SREBF2: variants seen among roughly 807,000 people sequenced by gnomAD.
SREBF2 encodes sterol regulatory element binding transcription factor 2, also known as sterol regulatory element-binding protein 2.
In SREBF2, 55 loss-of-function variants were observed where a neutral mutation model predicts 113.1. That is an observed-to-expected ratio of 0.49 (90% CI 0.39 to 0.61). SREBF2 has a LOEUF of 0.61. Ranked by LOEUF, SREBF2 falls within the 20% of genes least tolerant of loss-of-function variation. The pLI, the probability that SREBF2 is intolerant of heterozygous loss-of-function variation, is 0.00. For missense variants in SREBF2, 1,349 were observed against 1,487.4 expected, an observed-to-expected ratio of 0.91 and a Z score of 1.53; for synonymous variants, 593 against 605.7, an observed-to-expected ratio of 0.98 and a Z score of 0.31.
intron 1 of SREBF2, among the ~76,000 whole-genome samples, chr22:41,843,419 G>A (rs2076846695): frequency 6.6e-6 from 1 of 152,220 alleles, no homozygotes. Context: ...TATGGCCTTG[G>A]GTGCCAGGCA....
intron 4 of SREBF2, among the ~76,000 whole-genome samples, chr22:41,871,582 A>T (rs529876437): frequency 6.6e-6 from 1 of 152,230 alleles, no homozygotes; most frequent in African/African-American, 2.4e-5. Flanking sequence ...CAATGAAATT[A>T]TGCCTAGCAA....
At chr22:41,838,485 C>G (rs1276594703) in intron 1 of SREBF2, among the ~76,000 whole-genome samples, 9 of 152,082 alleles carry the variant, frequency 5.9e-5, no homozygotes, top group Non-Finnish European at 2.9e-5. Context: ...GTAATCCTAG[C>G]ATTTTGGTAG....
At chr22:41,837,299 T>G (rs2076784902) in intron 1 of SREBF2, among the ~76,000 whole-genome samples, 1 of 152,168 alleles carries the variant, frequency 6.6e-6, no homozygotes, top group Non-Finnish European at 1.5e-5. Context: ...GGCTCATGCC[T>G]GTAATCCCAG....
At chr22:41,902,284 T>C (rs1400910136) in intron 16 of SREBF2, among the ~76,000 whole-genome samples, 1 of 152,182 alleles carries the variant, frequency 6.6e-6, no homozygotes, top group Admixed American at 6.5e-5. Context: ...CCATAGGTCG[T>C]AGGCAGAGAG....
intron 1 of SREBF2, among the ~76,000 whole-genome samples, chr22:41,858,717 A>G (rs1185263590): frequency 2.2e-4 from 34 of 152,200 alleles, no homozygotes; most frequent in Admixed American, 2.2e-3. Context: ...ACTGCACTCC[A>G]GCCTGGGTGA....
chr22:41,845,743 G>A (rs151329019), intron 1 of SREBF2, among the ~76,000 whole-genome samples: 8 of 152,294 alleles, frequency 5.3e-5, no homozygotes, highest in African/African-American at 1.9e-4. Context: ...GAGCAGGCAT[G>A]GTGTTTATTT....
At chr22:41,883,162 C>T (rs977710155) in intron 10 of SREBF2, among the ~76,000 whole-genome samples, 2 of 152,118 alleles carry the variant, frequency 1.3e-5, no homozygotes, top group Non-Finnish European at 2.9e-5. Context: ...TCTGAGGAGA[C>T]ACTGAGATGC....
Position 41,885,031 on chromosome 22 carries a change from C to T in SREBF2, c.2208+20C>T, listed in dbSNP as rs2077287295. ...CTGGCCGTGAGTACCCTTCGGTTCC[C>T]TTCTGTAAACCTCCCCTGAGCACTT... On this transcript the variant is annotated intron_variant, in intron 11 of 18. Transcript: ENST00000361204. 1 of 1,613,440 alleles carries T rather than the reference C, an allele frequency of 6.2e-7. No individual in the cohort carries two copies. Among genetic ancestry groups the T allele is most frequent in the African/African-American group, 1.3e-5 (1 of 74,892 alleles).
intron 16 of SREBF2, 110 bp downstream of exon 16, chr22:41,900,608 G>A (rs969563234): frequency 3.4e-6 from 4 of 1,175,454 alleles, no homozygotes; most frequent in South Asian, 1.4e-5. Context: ...GAAAGACAGA[G>A]AAACCAGGAC....
chr22:41,875,212 C>G (rs979005012), intron 5 of SREBF2, 125 bp from the exon 6 acceptor site: 1 of 760,088 alleles, frequency 1.3e-6, no homozygotes, highest in African/African-American at 1.7e-5. Context: ...ATTGGGAGGA[C>G]CAGCATCTGA....
In SREBF2 at chr22:41,875,345, G is replaced by A. The variant is rs765876051; in HGVS notation, c.1098G>A (p.Lys366=). Residue 366 remains lysine (K), a synonymous_variant, in exon 6 of 19, where the codon AAG becomes AAA. Coordinates refer to ENST00000361204, the MANE Select transcript of SREBF2 (RefSeq NM_004599.4). ...LVMGTDAKMH[K]SGVLRKAIDY... Reference sequence around the variant, plus strand: ...CTCATCTTCCTACCCAGATGCACAAGTCTGGCGTTCTGAGGAAGGCCATTG... The same window carrying A: ...CTCATCTTCCTACCCAGATGCACAAATCTGGCGTTCTGAGGAAGGCCATTG... 10 of 1,613,718 alleles carry A rather than the reference G, an allele frequency of 6.2e-6. No individual in the cohort carries two copies. The South Asian group carries it at 1.1e-4, about 18-fold the overall frequency.
rs1246442854 is a variant in SREBF2 at position 41,893,303 on chromosome 22, C to T, written c.2377+18C>T. The stretch of plus-strand genomic sequence containing the variant: ...GAACCCAGGTGAGAATACCTTGGAG[C>T]CATTCAGAATTGGAGAAAGCCATGC... On this transcript the variant is annotated intron_variant, in intron 12 of 18. Coordinates refer to ENST00000361204, the MANE Select transcript of SREBF2 (RefSeq NM_004599.4). The T allele has an allele frequency of 6.2e-7, 1 of 1,613,946 alleles. No individual in the cohort carries two copies. Among genetic ancestry groups the T allele is most frequent in the Non-Finnish European group, 8.5e-7 (1 of 1,179,950 alleles).
chr22:41,891,903 G>A (rs911054359), intron 11 of SREBF2, among the ~76,000 whole-genome samples: 7 of 152,312 alleles, frequency 4.6e-5, no homozygotes, highest in African/African-American at 1.4e-4. Context: ...AACTGAAAAC[G>A]TGGTAGATGG....
intron 7 of SREBF2, among the ~76,000 whole-genome samples, chr22:41,875,977 A>G (rs189870051): frequency 2.0e-5 from 3 of 152,368 alleles, no homozygotes; most frequent in African/African-American, 7.2e-5. Flanking sequence ...TGCCAGATCC[A>G]GAACGAGAAT....
chr22:41,896,058 A>G (rs2077413680), intron 13 of SREBF2, among the ~76,000 whole-genome samples: 1 of 151,698 alleles, frequency 6.6e-6, no homozygotes, highest in Non-Finnish European at 1.5e-5. Flanking sequence ...GGAGAATGGC[A>G]TGAATCCGGG....
chr22:41,880,071 G>GA (rs1223975410), intron 9 of SREBF2, among the ~76,000 whole-genome samples: 1 of 152,192 alleles, frequency 6.6e-6, no homozygotes, highest in African/African-American at 2.4e-5. Flanking sequence ...CATGGCATGA[G>GA]AATCACCTAG....
At chr22:41,855,755 CTT>C (rs572611963) in intron 1 of SREBF2, among the ~76,000 whole-genome samples, 116 of 141,032 alleles carry the variant, frequency 8.2e-4, no homozygotes, top group Admixed American at 1.9e-3. Flanking sequence ...TGTAGTATAA[CTT>C]TTTTTTTTTT....
chr22:41,852,478 C>A (rs2076940713), intron 1 of SREBF2, among the ~76,000 whole-genome samples: 1 of 152,128 alleles, frequency 6.6e-6, no homozygotes, highest in Non-Finnish European at 1.5e-5. Flanking sequence ...TCTTGCCTTT[C>A]TCCTTAAATC....
chr22:41,896,538 C>A (rs917740592), intron 13 of SREBF2, among the ~76,000 whole-genome samples: 1 of 152,074 alleles, frequency 6.6e-6, no homozygotes, highest in Non-Finnish European at 1.5e-5. Context: ...TTTTGTATTT[C>A]TTGGTAGAGG....
Sources: gnomAD v4.1 joint callset for allele counts (sites outside exome capture counted in the v4.1 genomes callset) on GRCh38, gnomAD v4.1.1 for gene constraint, MANE v1.5 for transcripts, NCBI Gene and HGNC (gene_info 2026-07-23, HGNC 2026-07-21) for gene names.